Variants in TP53INP1 observed in about 807,000 individuals in gnomAD.
The protein encoded by TP53INP1 is tumor protein p53 inducible nuclear protein 1.
Under a neutral mutation model 21.0 loss-of-function variants are expected in TP53INP1, and 12 were observed. That is an observed-to-expected ratio of 0.57 (90% CI 0.37 to 0.93). The LOEUF (loss-of-function observed/expected upper bound fraction) is 0.93. TP53INP1 is among the 40% of genes least tolerant of loss of function. TP53INP1 has a pLI of 0.01. For synonymous variants in TP53INP1, 91 were observed against 94.8 expected (o/e 0.96, Z 0.23); for missense variants, 274 against 294.7 (o/e 0.93, Z 0.51).
At chr8:94,931,338 A>G (rs192048857) in intron 3 of TP53INP1, among the ~76,000 whole-genome samples, 5 of 152,318 alleles carry the variant, frequency 3.3e-5, no homozygotes, top group African/African-American at 1.2e-4. Flanking sequence ...GTTTTTCTTT[A>G]TCTCACAACA....
rs1405183090 is a variant in TP53INP1, at chr8:94,949,214, G to C, written c.-211C>G. ...GAGCGGCCGCCGGCTCGGCGGGGAA[G>C]GACGCGGGCGGGGCGGGACTGCTGA... On this transcript the variant is annotated 5_prime_UTR_variant, in exon 1 of 4. Transcript: ENST00000342697. The C allele has an allele frequency of 6.6e-6, 1 of 150,504 alleles. No homozygotes were observed. Among genetic ancestry groups the C allele is most frequent in the Non-Finnish European group, 1.5e-5 (1 of 67,436 alleles). The allele number at this position is 150,504 out of a possible 1,614,324, so 9.3% of individuals were successfully genotyped here.
chr8:94,943,435 T>C (rs527870988), intron 1 of TP53INP1, among the ~76,000 whole-genome samples: 2 of 152,308 alleles, frequency 1.3e-5, no homozygotes, highest in South Asian at 4.1e-4. Flanking sequence ...TGCAGTAAGC[T>C]ATGATTGTGC....
chr8:94,931,226 A>G (rs935355475), intron 3 of TP53INP1, among the ~76,000 whole-genome samples: 7 of 152,248 alleles, frequency 4.6e-5, no homozygotes, highest in African/African-American at 1.7e-4. Flanking sequence ...TCCAGGAAAC[A>G]TGCTTTAAAT....
intron 3 of TP53INP1, among the ~76,000 whole-genome samples, chr8:94,933,175 C>T (rs557386822): frequency 1.5e-4 from 23 of 152,250 alleles, no homozygotes; most frequent in Admixed American, 6.5e-4. Flanking sequence ...GAGATTGCGC[C>T]GCTGCAATCC....
intron 3 of TP53INP1, among the ~76,000 whole-genome samples, chr8:94,934,228 C>T (rs1820745875): frequency 6.6e-6 from 1 of 150,982 alleles, no homozygotes; most frequent in Admixed American, 6.6e-5. Flanking sequence ...AATGTCATTT[C>T]CAATTTTTGC....
chr8:94,935,119 GTAGATAGATA>G lies in TP53INP1; in HGVS notation c.474-4401_474-4392del, dbSNP rs959014582. Reference sequence around the variant, plus strand: ...GGTAGGTAGGTAGGTAGGTACATAGGTAGATAGATATAGATAGATAGATAGATAGATAGAT... The same window carrying G: ...GGTAGGTAGGTAGGTAGGTACATAGGTAGATAGATAGATAGATAGATAGAT... On this transcript the variant is annotated intron_variant, in intron 3 of 3. Coordinates refer to ENST00000342697, the MANE Select transcript of TP53INP1 (RefSeq NM_033285.4). 4.3e-5 allele frequency among the ~76,000 whole-genome samples: 5 copies of G among 115,850 alleles called. No homozygotes were observed. In the East Asian group the frequency reaches 7.2e-4, roughly 17 times the overall value. 76.0% of individuals were successfully genotyped at this position (115,850 alleles called of 152,430 possible).
chr8:94,931,922 A>G (rs1045874466), intron 3 of TP53INP1: 20 of 671,716 alleles, frequency 3.0e-5, no homozygotes, highest in African/African-American at 2.0e-4. Context: ...CTGTGAGCCA[A>G]TATCACACCA....
intron 3 of TP53INP1, among the ~76,000 whole-genome samples, chr8:94,931,880 G>C (rs1820439243): frequency 6.6e-6 from 1 of 152,170 alleles, no homozygotes; most frequent in African/African-American, 2.4e-5. Flanking sequence ...GCTGAAACAA[G>C]AGAATCACTT....
In TP53INP1 at chr8:94,927,053, T is replaced by C. The variant is rs1250132005; in HGVS notation, c.*3426A>G. ...TTAAAGTAACATTACAAACATATAC[T>C]ACTAGTGTCTCCCAGTACAAGGAGC... On this transcript the variant is annotated 3_prime_UTR_variant, in exon 4 of 4. Transcript: ENST00000342697. 1 of 152,476 alleles carries C rather than the reference T, an allele frequency of 6.6e-6. No individual in the cohort carries two copies. The highest frequency in any genetic ancestry group is 1.5e-5 in the Non-Finnish European group (1 of 68,020). 9.4% of individuals were successfully genotyped at this position (152,476 alleles called of 1,614,324 possible).
chr8:94,931,092 A>G (rs959367234), intron 3 of TP53INP1, among the ~76,000 whole-genome samples: 2 of 152,232 alleles, frequency 1.3e-5, no homozygotes, highest in African/African-American at 2.4e-5. Context: ...TCTTTTGCAA[A>G]TATATATTTT....
chr8:94,946,410 T>C (rs1354572469), intron 1 of TP53INP1, among the ~76,000 whole-genome samples: 1 of 151,594 alleles, frequency 6.6e-6, no homozygotes, highest in Non-Finnish European at 1.5e-5. Context: ...ACTTAAAGAC[T>C]GGCTCTGAGG....
intron 2 of TP53INP1, 126 bp from the exon 3 acceptor site, chr8:94,940,346 A>G (rs1368033419): frequency 8.9e-7 from 1 of 1,129,074 alleles, no homozygotes; most frequent in East Asian, 2.4e-5. Context: ...AGAAGAGATG[A>G]TACTATTAGC....
In TP53INP1 at chr8:94,941,000, T is replaced by C; in HGVS notation, c.-59A>G. Reference sequence around the variant, plus strand: ...CTTTTATAGCTGAGATTTCAAAACCTTGTCTTTAGTTGGCCCAATGGTACC... The same window carrying C: ...CTTTTATAGCTGAGATTTCAAAACCCTGTCTTTAGTTGGCCCAATGGTACC... On this transcript the variant is annotated 5_prime_UTR_variant, in exon 2 of 4. Coordinates refer to ENST00000342697, the MANE Select transcript of TP53INP1 (RefSeq NM_033285.4). 1 of 1,315,938 alleles carries C rather than the reference T, an allele frequency of 7.6e-7. No individual in the cohort carries two copies. The highest frequency in any genetic ancestry group is 1.2e-5 in the South Asian group (1 of 81,450). 81.5% of individuals were successfully genotyped at this position (1,315,938 alleles called of 1,614,324 possible). A position where few individuals can be genotyped will look rare whatever the true frequency, so the allele number is the denominator to read the frequency against.
At position 94,930,452 on chromosome 8, in the gene TP53INP1, G is replaced by C. The variant is rs749272729; in HGVS notation, c.*27C>G. The C allele has an allele frequency of 1.4e-5, 22 of 1,612,518 alleles. No individual in the cohort carries two copies. Among genetic ancestry groups the C allele is most frequent in the Non-Finnish European group, 1.9e-5 (22 of 1,178,744 alleles). On this transcript the variant is annotated 3_prime_UTR_variant, in exon 4 of 4. Transcript: ENST00000342697. ...CCATACATGTAAGCACAAACCAAGAGAAACCAACCAACAAAACTTGAAACT... is the reference window on the plus strand; with the variant it reads ...CCATACATGTAAGCACAAACCAAGACAAACCAACCAACAAAACTTGAAACT...
chr8:94,933,111 G>A (rs1044469756), intron 3 of TP53INP1, among the ~76,000 whole-genome samples: 2 of 152,014 alleles, frequency 1.3e-5, no homozygotes, highest in Non-Finnish European at 2.9e-5. Flanking sequence ...CCAGTTAATC[G>A]GCAGGATAAG....
chr8:94,939,295 A>G (rs1044251102), intron 3 of TP53INP1, among the ~76,000 whole-genome samples: 6 of 152,242 alleles, frequency 3.9e-5, no homozygotes, highest in African/African-American at 1.4e-4. Flanking sequence ...CTTAACAGAA[A>G]TGCCAGTCTT....
chr8:94,943,876 T>C (rs1444663747), intron 1 of TP53INP1, among the ~76,000 whole-genome samples: 1 of 152,186 alleles, frequency 6.6e-6, no homozygotes, highest in African/African-American at 2.4e-5. Flanking sequence ...GGCCAAATCA[T>C]GAAGGCTGGA....
chr8:94,948,780 AG>A (rs891052011), intron 1 of TP53INP1, among the ~76,000 whole-genome samples: 3 of 151,838 alleles, frequency 2.0e-5, no homozygotes, highest in African/African-American at 7.3e-5. Context: ...GGGAGTGAGG[AG>A]GGGTGAGAGG....
chr8:94,942,336 G>A (rs1226148841), intron 1 of TP53INP1, among the ~76,000 whole-genome samples: 2 of 151,812 alleles, frequency 1.3e-5, no homozygotes, highest in African/African-American at 4.8e-5. Context: ...TGCCGCACCC[G>A]CATGCCTTTT....
Sources: allele counts gnomAD v4.1 joint callset (sites outside exome capture counted in the v4.1 genomes callset), GRCh38; gene constraint gnomAD v4.1.1; transcripts MANE v1.5; gene names NCBI Gene and HGNC (gene_info 2026-07-23, HGNC 2026-07-21).